SNHG17: variants seen among roughly 807,000 people sequenced by gnomAD.
SNHG17 encodes the protein small nucleolar RNA host gene 17.
intron 6 of SNHG17, chr20:38,422,086 C>G (rs1278160675): frequency 6.6e-6 from 1 of 152,416 alleles, no homozygotes; most frequent in Non-Finnish European, 1.5e-5. Context: ...GGGGAGCTCA[C>G]TTTACCCACG....
At chr20:38,434,985 C>T in intron 1 of SNHG17, 1 of 1,229,562 alleles carries the variant, frequency 8.1e-7, no homozygotes, top group Non-Finnish European at 1.0e-6. Flanking sequence ...GACGACCGCA[C>T]GTGGCCCGCT....
At chr20:38,432,726 A>G (rs2084360010) in intron 2 of SNHG17, among the ~76,000 whole-genome samples, 1 of 152,240 alleles carries the variant, frequency 6.6e-6, no homozygotes, top group Non-Finnish European at 1.5e-5. Flanking sequence ...GTTTAAAGAC[A>G]AGGTCTGGCT....
intron 3 of SNHG17, among the ~76,000 whole-genome samples, chr20:38,430,546 C>T (rs35058787): frequency 0.025 from 3,850 of 152,122 alleles, 160 homozygotes; most frequent in African/African-American, 0.089. Context: ...CACTTGAACC[C>T]GGGAGGCAGA....
chr20:38,434,788 G>A (rs1490282968), intron 1 of SNHG17: 5 of 940,242 alleles, frequency 5.3e-6, no homozygotes, highest in Non-Finnish European at 6.3e-6. Context: ...AGTTATTGAG[G>A]GGAAAACGAG....
At chr20:38,434,912 C>T (rs987691170) in intron 1 of SNHG17, 2 of 1,222,714 alleles carry the variant, frequency 1.6e-6, no homozygotes, top group African/African-American at 3.1e-5. Context: ...TCGCCGAGCC[C>T]TGTTTCCCGC....
intron 6 of SNHG17, chr20:38,421,182 A>G (rs941654567): frequency 2.6e-5 from 4 of 152,312 alleles, no homozygotes; most frequent in African/African-American, 9.7e-5. Flanking sequence ...GAGGGGTCCC[A>G]TTCAAGCAGG....
intron 5 of SNHG17, chr20:38,425,169 A>T (rs1229943456): frequency 5.9e-6 from 3 of 512,666 alleles, no homozygotes; most frequent in Non-Finnish European, 1.2e-5. Context: ...AGGTACCAGG[A>T]GGTAACATCA....
exon 7 of SNHG17, chr20:38,421,018 T>C (rs1809090925): frequency 6.6e-6 from 1 of 152,158 alleles, no homozygotes; most frequent in Non-Finnish European, 1.5e-5. Context: ...CGGTGAGAAA[T>C]ATCAGCAAAC....
intron 5 of SNHG17, among the ~76,000 whole-genome samples, chr20:38,423,351 A>T (rs1481466238): frequency 6.8e-6 from 1 of 148,062 alleles, no homozygotes; most frequent in African/African-American, 2.5e-5. Context: ...GAGCAAACAC[A>T]GTTCACTGCA....
intron 3 of SNHG17, chr20:38,429,067 C>T (rs1247102780): frequency 6.6e-6 from 1 of 152,430 alleles, no homozygotes; most frequent in Non-Finnish European, 1.5e-5. Context: ...AGGGACTCTC[C>T]CTTTCTCGTT....
intron 5 of SNHG17, chr20:38,425,177 T>C (rs1218043815): frequency 1.9e-6 from 1 of 516,674 alleles, no homozygotes; most frequent in Admixed American, 1.9e-5. Context: ...GGAGGTAACA[T>C]CACTGGTGAG....
At chr20:38,425,249 G>A (rs977199044) in intron 5 of SNHG17, 2 of 519,176 alleles carry the variant, frequency 3.9e-6, no homozygotes, top group South Asian at 1.4e-5. Context: ...CTTCAAACAC[G>A]GGGAAGCGCT....
chr20:38,431,001 A>G (rs534388982), intron 3 of SNHG17: 1 of 152,684 alleles, frequency 6.5e-6, no homozygotes, highest in Admixed American at 6.5e-5. Flanking sequence ...CAACCTGCAG[A>G]GAACTTGAGC....
chr20:38,435,032 AGT>A (rs1491256283), intron 1 of SNHG17: 19 of 1,230,882 alleles, frequency 1.5e-5, no homozygotes, highest in East Asian at 3.2e-5. Flanking sequence ...CTCACCTGCC[AGT>A]GTCTTTCCCG....
At chr20:38,423,169 G>A (rs1259789202) in intron 5 of SNHG17, among the ~76,000 whole-genome samples, 1 of 151,620 alleles carries the variant, frequency 6.6e-6, no homozygotes, top group African/African-American at 2.4e-5. Context: ...AGCGAAAGCA[G>A]AAGGATGGTT....
chr20:38,430,142 C>A (rs985114433), intron 3 of SNHG17, among the ~76,000 whole-genome samples: 1 of 151,074 alleles, frequency 6.6e-6, no homozygotes, highest in Non-Finnish European at 1.5e-5. Context: ...CATGGTGAAA[C>A]CCCATCTCTA....
chr20:38,421,740 A>T (rs1295071117), intron 6 of SNHG17: 2 of 152,314 alleles, frequency 1.3e-5, no homozygotes, highest in Non-Finnish European at 2.9e-5. Context: ...AATGATCGGG[A>T]CACAGGCAAC....
At chr20:38,427,319 C>T (rs2084266730) in intron 3 of SNHG17, 1 of 508,848 alleles carries the variant, frequency 2.0e-6, no homozygotes, top group Non-Finnish European at 3.9e-6. Context: ...TGTGTGAAAG[C>T]TTCAGGGTTC....
At chr20:38,434,597 C>T (rs2084399870) in exon 2 of SNHG17, 1 of 157,542 alleles carries the variant, frequency 6.3e-6, no homozygotes, top group Non-Finnish European at 1.4e-5. Flanking sequence ...TGGTGCGAAG[C>T]CGTCCGAGGT....
Sources: allele counts gnomAD v4.1 joint callset (sites outside exome capture counted in the v4.1 genomes callset), GRCh38; gene constraint gnomAD v4.1.1; transcripts MANE v1.5; gene names NCBI Gene and HGNC (gene_info 2026-07-23, HGNC 2026-07-21).